The following SASH1 variants were observed in gnomAD, a reference collection of about 807,000 sequenced individuals.
SASH1 encodes the protein SAM and SH3 domain-containing protein 1.
In SASH1, 44 loss-of-function variants were observed where a neutral mutation model predicts 125.2. That is an observed-to-expected ratio of 0.35 (90% confidence interval 0.28 to 0.45). The LOEUF is 0.45. SASH1 is among the 20% of genes least tolerant of loss of function. SASH1 has a pLI of 1.00. For missense variants in SASH1, 1,426 were observed against 1,614.5 expected (o/e 0.88, Z 2.00); for synonymous variants, 639 against 649.1 (o/e 0.98, Z 0.24).
chr6:148,261,218 A>G, the SASH1 span, among the ~76,000 whole-genome samples: 1 of 152,210 alleles, frequency 6.6e-6, no homozygotes, highest in African/African-American at 2.4e-5. Context: ...ATCCCTAGAT[A>G]GAATAGTCAA....
the SASH1 span, among the ~76,000 whole-genome samples, chr6:148,233,076 T>C: frequency 5.8e-3 from 883 of 151,974 alleles, 7 homozygotes; most frequent in Non-Finnish European, 8.2e-3. Context: ...TTAGCCGGCG[T>C]GGTGGTACAT....
chr6:148,217,062 G>A, the SASH1 span, among the ~76,000 whole-genome samples: 1 of 152,094 alleles, frequency 6.6e-6, no homozygotes, highest in Non-Finnish European at 1.5e-5. Context: ...GATAGTAATA[G>A]CATCCCTCCA....
chr6:148,429,119 T>C (rs907180673), intron 2 of SASH1, among the ~76,000 whole-genome samples: 1 of 152,138 alleles, frequency 6.6e-6, no homozygotes, highest in Non-Finnish European at 1.5e-5. Flanking sequence ...AGATCTTAAA[T>C]ATTTGTTGAA....
At chr6:148,202,027 G>A in the SASH1 span, among the ~76,000 whole-genome samples, 1 of 151,990 alleles carries the variant, frequency 6.6e-6, no homozygotes, top group African/African-American at 2.4e-5. Context: ...AGCCCCCACC[G>A]AGTCACCCAC....
chr6:148,343,639 C>T (rs1460488821), intron 1 of SASH1, among the ~76,000 whole-genome samples: 1 of 152,194 alleles, frequency 6.6e-6, no homozygotes, highest in Non-Finnish European at 1.5e-5. Flanking sequence ...CAAACATTTC[C>T]TTACTCAGAA....
At chr6:148,464,628 A>G (rs1168105607) in intron 4 of SASH1, among the ~76,000 whole-genome samples, 2 of 152,166 alleles carry the variant, frequency 1.3e-5, no homozygotes, top group Non-Finnish European at 2.9e-5. Flanking sequence ...GGGTTATATC[A>G]TTGATTTTTG....
chr6:148,511,120 AAGCCTTTTAC>A (rs1780099385), intron 8 of SASH1, among the ~76,000 whole-genome samples: 1 of 152,188 alleles, frequency 6.6e-6, no homozygotes, highest in African/African-American at 2.4e-5. Flanking sequence ...GAAGAAATGC[AAGCCTTTTAC>A]AGCGTTTTTG....
At chr6:148,225,261 G>A in the SASH1 span, among the ~76,000 whole-genome samples, 3 of 152,146 alleles carry the variant, frequency 2.0e-5, no homozygotes, top group African/African-American at 7.2e-5. Context: ...TACACTTACA[G>A]AAGTAATTTA....
intron 8 of SASH1, among the ~76,000 whole-genome samples, chr6:148,507,527 C>T (rs777376745): frequency 5.9e-5 from 9 of 152,250 alleles, no homozygotes; most frequent in East Asian, 1.9e-4. Context: ...TATGCCACCA[C>T]GCCTGACTAA....
In SASH1 at chr6:148,474,315, T is replaced by C. The variant is rs1402235183; in HGVS notation, c.627+93T>C. On this transcript the variant is annotated intron_variant, in intron 7 of 19. Coordinates refer to ENST00000367467, the MANE Select transcript of SASH1 (RefSeq NM_015278.5). ...GCCAACAAGGGGTATAGGAATCAGG[T>C]ACCCATGTTGTCAGATAAAATATTT... 4.4e-6 allele frequency: 3 copies of C among 689,594 alleles called. No individual in the cohort carries two copies. In the Admixed American group the frequency reaches 7.6e-5, roughly 17 times the overall value. 42.7% of individuals were successfully genotyped at this position (689,594 alleles called of 1,614,324 possible).
At chr6:148,411,166 C>CAAAAAAAAAAAAAAAAA (rs56342457) in intron 2 of SASH1, among the ~76,000 whole-genome samples, 11 of 46,182 alleles carry the variant, frequency 2.4e-4, no homozygotes, top group South Asian at 1.7e-3. Context: ...ACTCCATCTC[C>CAAAAAAAAAAAAAAAAA]AAAAAAAAAA....
the SASH1 span, among the ~76,000 whole-genome samples, chr6:148,243,068 C>A: frequency 6.6e-6 from 1 of 152,154 alleles, no homozygotes; most frequent in Admixed American, 6.5e-5. Context: ...GTAATCCCAG[C>A]ACTTTGGGAG....
intron 2 of SASH1, among the ~76,000 whole-genome samples, chr6:148,404,887 T>G (rs925362223): frequency 6.6e-6 from 1 of 150,568 alleles, no homozygotes; most frequent in Non-Finnish European, 1.5e-5. Context: ...AGCAGCAACT[T>G]TTTGTGTTTT....
chr6:148,269,517 G>A (rs1333780831), upstream of SASH1, among the ~76,000 whole-genome samples: 3 of 152,168 alleles, frequency 2.0e-5, no homozygotes, highest in Non-Finnish European at 4.4e-5. Context: ...CTCGCAAAGT[G>A]CTGGGATTAT....
intron 4 of SASH1, among the ~76,000 whole-genome samples, chr6:148,445,123 G>A (rs918190595): frequency 3.3e-5 from 5 of 152,168 alleles, no homozygotes; most frequent in African/African-American, 9.7e-5. Flanking sequence ...CACTTTCATC[G>A]CCATCTTGGA....
At chr6:148,256,639 A>C in the SASH1 span, among the ~76,000 whole-genome samples, 1 of 152,160 alleles carries the variant, frequency 6.6e-6, no homozygotes, top group East Asian at 1.9e-4. Flanking sequence ...TTTAGTGACA[A>C]AATTTGACCC....
upstream of SASH1, among the ~76,000 whole-genome samples, chr6:148,270,351 T>C (rs1284394399): frequency 6.8e-6 from 1 of 147,376 alleles, no homozygotes; most frequent in Non-Finnish European, 1.5e-5. Flanking sequence ...TGGCAATATA[T>C]GCTTTTCCTT....
intron 2 of SASH1, among the ~76,000 whole-genome samples, chr6:148,434,270 T>G (rs1394460319): frequency 6.6e-6 from 1 of 151,830 alleles, no homozygotes; most frequent in Non-Finnish European, 1.5e-5. Context: ...AGAGATGGGG[T>G]TTCACCGTGT....
chr6:148,376,180 C>T (rs1001702399), intron 1 of SASH1, among the ~76,000 whole-genome samples: 2 of 152,166 alleles, frequency 1.3e-5, no homozygotes, highest in Admixed American at 1.3e-4. Flanking sequence ...AATCCTCCCA[C>T]CTCAGCCTCC....
Sources: allele counts gnomAD v4.1 joint callset (sites outside exome capture counted in the v4.1 genomes callset), GRCh38; gene constraint gnomAD v4.1.1; transcripts MANE v1.5; gene names NCBI Gene and HGNC (gene_info 2026-07-23, HGNC 2026-07-21).